Variants in CNTNAP5 observed in about 807,000 individuals in gnomAD.
The protein encoded by CNTNAP5 is contactin associated protein family member 5.
CNTNAP5 carries 72 observed loss-of-function variants against 150.2 expected under a neutral mutation model. The observed-to-expected ratio is 0.48, with a 90% CI of 0.40 to 0.58. The LOEUF is 0.58. CNTNAP5 is among the 20% of genes least tolerant of loss of function. CNTNAP5 has a pLI of 0.00. For missense variants in CNTNAP5, 1,636 were observed against 1,626.2 expected, an observed-to-expected ratio of 1.01 and a Z score of -0.10; for synonymous variants, 672 against 619.8, an observed-to-expected ratio of 1.08 and a Z score of -1.25.
intron 1 of CNTNAP5, among the ~76,000 whole-genome samples, chr2:124,060,468 A>G (rs1681978888): frequency 6.6e-6 from 1 of 152,230 alleles, no homozygotes; most frequent in Admixed American, 6.5e-5. Context: ...GAGAAGCAGC[A>G]TTACGGAAAA....
At chr2:124,077,185 G>A (rs1166558412) in intron 1 of CNTNAP5, among the ~76,000 whole-genome samples, 1 of 152,004 alleles carries the variant, frequency 6.6e-6, no homozygotes, top group Non-Finnish European at 1.5e-5. Flanking sequence ...CTTTTGCAGT[G>A]TCTCCCAAAA....
intron 19 of CNTNAP5, among the ~76,000 whole-genome samples, chr2:124,840,784 C>G (rs1281765289): frequency 6.6e-6 from 1 of 152,020 alleles, no homozygotes; most frequent in Non-Finnish European, 1.5e-5. Flanking sequence ...CTCTAATTGA[C>G]CATCATTTAT....
chr2:124,597,602 G>A (rs2104968239), intron 11 of CNTNAP5, among the ~76,000 whole-genome samples: 1 of 150,818 alleles, frequency 6.6e-6, no homozygotes, highest in East Asian at 2.0e-4. Flanking sequence ...CAACTTTGGT[G>A]AATCTGACAA....
At chr2:124,697,611 G>GAAA (rs5834084) in intron 13 of CNTNAP5, among the ~76,000 whole-genome samples, 56 of 128,390 alleles carry the variant, frequency 4.4e-4, no homozygotes, top group South Asian at 1.6e-3. Context: ...CCCTTAGTTT[G>GAAA]AAAAAAAAAA....
intron 6 of CNTNAP5, among the ~76,000 whole-genome samples, chr2:124,452,478 G>T (rs1693008541): frequency 6.6e-6 from 1 of 152,126 alleles, no homozygotes; most frequent in African/African-American, 2.4e-5. Context: ...TGAAGAAAAA[G>T]GGCATATACT....
At chr2:124,331,860 A>AT (rs942787912) in intron 3 of CNTNAP5, among the ~76,000 whole-genome samples, 17 of 151,958 alleles carry the variant, frequency 1.1e-4, no homozygotes, top group Admixed American at 8.5e-4. Flanking sequence ...AAGATTAACA[A>AT]TTTTTTTAAT....
intron 22 of CNTNAP5, among the ~76,000 whole-genome samples, chr2:124,905,127 T>G (rs1013651665): frequency 2.8e-4 from 14 of 50,384 alleles, no homozygotes; most frequent in African/African-American, 3.7e-4. Context: ...TTTTTTTTTG[T>G]TTTTTTTTTT....
intron 11 of CNTNAP5, among the ~76,000 whole-genome samples, chr2:124,586,548 TAA>T (rs969898705): frequency 2.6e-5 from 4 of 152,338 alleles, no homozygotes; most frequent in African/African-American, 7.2e-5. Context: ...TTCAAATTCT[TAA>T]AAGTCATTTC....
intron 19 of CNTNAP5, among the ~76,000 whole-genome samples, chr2:124,810,340 C>T (rs931149935): frequency 6.6e-6 from 1 of 152,100 alleles, no homozygotes; most frequent in Non-Finnish European, 1.5e-5. Flanking sequence ...CAAGCTCCCT[C>T]GTGTGGCTGT....
chr2:124,818,167 C>T (rs1682407024), intron 19 of CNTNAP5, among the ~76,000 whole-genome samples: 1 of 152,190 alleles, frequency 6.6e-6, no homozygotes, highest in South Asian at 2.1e-4. Context: ...CCAAGACCCT[C>T]TTCAAAGAGA....
intron 1 of CNTNAP5, among the ~76,000 whole-genome samples, chr2:124,160,547 G>A (rs1684652303): frequency 6.6e-6 from 1 of 150,616 alleles, no homozygotes; most frequent in African/African-American, 2.4e-5. Context: ...AAAGTTAAGA[G>A]CAATAGACCA....
intron 4 of CNTNAP5, among the ~76,000 whole-genome samples, chr2:124,426,199 G>A (rs1692235258): frequency 6.6e-6 from 1 of 152,066 alleles, no homozygotes; most frequent in Non-Finnish European, 1.5e-5. Context: ...AACGCATCCT[G>A]TTTTTTCATG....
At chr2:124,693,828 A>G (rs995899035) in intron 13 of CNTNAP5, among the ~76,000 whole-genome samples, 1 of 116,718 alleles carries the variant, frequency 8.6e-6, no homozygotes, top group African/African-American at 2.8e-5. Context: ...AAAAGAAAGC[A>G]AAAAAAAAAG....
intron 14 of CNTNAP5, among the ~76,000 whole-genome samples, chr2:124,748,929 C>T (rs1451814029): frequency 6.6e-6 from 1 of 152,176 alleles, no homozygotes; most frequent in Admixed American, 6.5e-5. Context: ...CCCACTTTAT[C>T]CTGCAGCGAA....
At chr2:124,706,795 A>AGG (rs1679656262) in intron 13 of CNTNAP5, among the ~76,000 whole-genome samples, 8 of 18,874 alleles carry the variant, frequency 4.2e-4, no homozygotes, top group African/African-American at 1.4e-3. Context: ...GAAGAAGAAG[A>AGG]AGGAGGAGGA....
intron 3 of CNTNAP5, among the ~76,000 whole-genome samples, chr2:124,282,827 A>G (rs1312168153): frequency 6.6e-6 from 1 of 152,174 alleles, no homozygotes; most frequent in Non-Finnish European, 1.5e-5. Flanking sequence ...ATTCAGACCA[A>G]GAAGTGATTC....
intron 13 of CNTNAP5, among the ~76,000 whole-genome samples, chr2:124,734,154 G>A (rs935593899): frequency 6.6e-6 from 1 of 152,016 alleles, no homozygotes; most frequent in Non-Finnish European, 1.5e-5. Flanking sequence ...CTATGACAAA[G>A]GACAGAGAAA....
At chr2:124,209,907 C>T (rs2104722796) in intron 1 of CNTNAP5, among the ~76,000 whole-genome samples, 1 of 152,256 alleles carries the variant, frequency 6.6e-6, no homozygotes, top group East Asian at 1.9e-4. Context: ...GATGAGTGAG[C>T]AAGTGGAAGG....
At position 124,230,492 on chromosome 2, in the gene CNTNAP5, T is replaced by TTG. The variant is rs10574167; in HGVS notation, c.187+8703_187+8704dup. On this transcript the variant is annotated intron_variant, in intron 2 of 23. Transcript: ENST00000682447. ...CTGTTTTATTTTTTATTTATTTCTT[T>TTG]TGTGTGTGTGTGTGTGTGTGTATAT... Among the ~76,000 whole-genome samples, 631 of 148,884 alleles carry TTG rather than the reference T, an allele frequency of 4.2e-3. 4 individuals are homozygous for TTG. The highest frequency in any genetic ancestry group is 0.012 in the African/African-American group (495 of 40,420).
Sources: gnomAD v4.1 joint callset for allele counts (sites outside exome capture counted in the v4.1 genomes callset) on GRCh38, gnomAD v4.1.1 for gene constraint, MANE v1.5 for transcripts, NCBI Gene and HGNC (gene_info 2026-07-23, HGNC 2026-07-21) for gene names.